PPARGC1B: variants seen among roughly 807,000 people sequenced by gnomAD.
The protein encoded by PPARGC1B is PPARG coactivator 1 beta, also known as peroxisome proliferator-activated receptor gamma coactivator 1-beta.
In PPARGC1B, 34 loss-of-function variants were observed where a neutral mutation model predicts 101.6. That is an observed-to-expected ratio of 0.33 (90% CI 0.25 to 0.45). PPARGC1B has a LOEUF of 0.45. Among genes scored for constraint, PPARGC1B ranks in the 20% least tolerant of loss-of-function variants. The pLI is 1.00. For synonymous variants in PPARGC1B, 548 were observed against 539.3 expected (o/e 1.02, Z -0.22); for missense variants, 1,234 against 1,317.6 (o/e 0.94, Z 0.98).
intron 1 of PPARGC1B, among the ~76,000 whole-genome samples, chr5:149,792,970 G>C (rs749506236): frequency 1.3e-5 from 2 of 151,878 alleles, no homozygotes; most frequent in Non-Finnish European, 2.9e-5. Context: ...TCTGCTTGAA[G>C]ACCTTCAGAG....
rs1248058931 is a variant in PPARGC1B, at chr5:149,830,043, A to G, written c.466-724A>G. ...GAGACTGCATCTCAAAAAAAAAAAA[A>G]AAAAAAAAAAAGAAAAAAAAAAAAA... On this transcript the variant is annotated intron_variant, in intron 3 of 11. Coordinates refer to ENST00000309241, the MANE Select transcript of PPARGC1B (RefSeq NM_133263.4). Among the ~76,000 whole-genome samples the G allele has an allele frequency of 4.7e-5, 6 of 126,934 alleles. No homozygotes were observed. The East Asian group carries it at 6.2e-4, about 13-fold the overall frequency. 83.3% of individuals were successfully genotyped at this position (126,934 alleles called of 152,430 possible).
Position 149,836,754 on chromosome 5 carries a change from C to T in PPARGC1B, c.2299C>T (p.His767Tyr). Residue 767 changes from histidine (H) to tyrosine (Y), a missense_variant, in exon 8 of 12, where the codon CAC becomes TAC. Physicochemically the swap from His to Tyr is moderately conservative, Grantham distance 83. Transcript: ENST00000309241. ...DHEIRASLTK[H>Y]FGLLETALEE... is the part of the protein sequence containing the mutation. ...TGAGATCCGTGCCAGCCTCACCAAA[C>T]ACTTTGGGCTGCTGGAGACCGCCCT... 6.2e-7 allele frequency: 1 copy of T among 1,613,728 alleles called. No individual in the cohort carries two copies. The highest frequency in any genetic ancestry group is 8.5e-7 in the Non-Finnish European group (1 of 1,180,020).
chr5:149,765,428 G>A (rs1020188601), intron 1 of PPARGC1B, among the ~76,000 whole-genome samples: 1 of 152,164 alleles, frequency 6.6e-6, no homozygotes, highest in African/African-American at 2.4e-5. Context: ...GTGAGACTGG[G>A]GTCAAATCTA....
At chr5:149,744,486 A>G (rs998327826) in intron 1 of PPARGC1B, among the ~76,000 whole-genome samples, 2 of 152,224 alleles carry the variant, frequency 1.3e-5, no homozygotes, top group African/African-American at 2.4e-5. Flanking sequence ...CGCAAAGCTC[A>G]TTGGTGAAGA....
chr5:149,831,543 T>TGA (rs1280689152), intron 4 of PPARGC1B, among the ~76,000 whole-genome samples: 2 of 152,188 alleles, frequency 1.3e-5, no homozygotes, highest in Non-Finnish European at 2.9e-5. Context: ...CTCTGGGGAA[T>TGA]GAGTCCCTAT....
chr5:149,802,433 CCTT>C (rs1310429634), intron 1 of PPARGC1B, among the ~76,000 whole-genome samples: 1 of 152,022 alleles, frequency 6.6e-6, no homozygotes, highest in Non-Finnish European at 1.5e-5. Context: ...CTCCTCTCCT[CCTT>C]TCCCTCTGCT....
intron 2 of PPARGC1B, among the ~76,000 whole-genome samples, chr5:149,824,238 A>G (rs908187625): frequency 6.6e-6 from 1 of 151,772 alleles, no homozygotes; most frequent in Non-Finnish European, 1.5e-5. Flanking sequence ...GGCCCTTGGT[A>G]CTCTCCCTGG....
chr5:149,773,624 T>C, intron 1 of PPARGC1B, among the ~76,000 whole-genome samples: 1 of 152,108 alleles, frequency 6.6e-6, no homozygotes, highest in East Asian at 1.9e-4. Flanking sequence ...AAATCACATA[T>C]CCAAATCAGT....
chr5:149,743,003 G>A (rs1754963647), intron 1 of PPARGC1B, among the ~76,000 whole-genome samples: 3 of 152,036 alleles, frequency 2.0e-5, no homozygotes. Flanking sequence ...TAGCCAAGAT[G>A]GGGGTGCAGA....
chr5:149,764,388 G>C (rs557439048), intron 1 of PPARGC1B, among the ~76,000 whole-genome samples: 88 of 152,336 alleles, frequency 5.8e-4, no homozygotes, highest in African/African-American at 1.9e-3. Flanking sequence ...ACATGAGGCT[G>C]AAGTAGGATG....
chr5:149,744,347 T>C (rs1755013841), intron 1 of PPARGC1B, among the ~76,000 whole-genome samples: 1 of 151,818 alleles, frequency 6.6e-6, no homozygotes, highest in African/African-American at 2.4e-5. Flanking sequence ...AGGCATGGGG[T>C]GAGAGGTGAG....
Position 149,748,325 on chromosome 5 carries a change from C to CTA in PPARGC1B, c.78+17917_78+17918dup, listed in dbSNP as rs138420687. On this transcript the variant is annotated intron_variant, in intron 1 of 11. Transcript: ENST00000309241. ...GATATAGATATAGATATAGATATAT[C>CTA]TATATATATATATCTCAGTGGGTAG... is the stretch of plus-strand genomic sequence containing the variant. Among the ~76,000 whole-genome samples the CTA allele has an allele frequency of 8.2e-3, 603 of 73,710 alleles. 3 individuals carry two copies. Among genetic ancestry groups the CTA allele is most frequent in the African/African-American group, 0.026 (411 of 15,846 alleles). The allele number at this position is 73,710 out of a possible 152,430, so 48.4% of individuals were successfully genotyped here.
At chr5:149,826,407 C>T (rs891164513) in intron 2 of PPARGC1B, among the ~76,000 whole-genome samples, 3 of 152,132 alleles carry the variant, frequency 2.0e-5, no homozygotes, top group Non-Finnish European at 4.4e-5. Flanking sequence ...GAGTGGGACT[C>T]CCAGGCAGGG....
intron 1 of PPARGC1B, among the ~76,000 whole-genome samples, chr5:149,816,289 T>G (rs890093122): frequency 1.3e-5 from 2 of 152,204 alleles, no homozygotes; most frequent in Non-Finnish European, 2.9e-5. Flanking sequence ...AATCAATAAG[T>G]GTAGTCATCA....
chr5:149,820,986 A>G (rs1169038528), intron 2 of PPARGC1B, among the ~76,000 whole-genome samples: 1 of 152,198 alleles, frequency 6.6e-6, no homozygotes, highest in East Asian at 1.9e-4. Context: ...GATAAGGAAA[A>G]TGAGGCTTGG....
intron 1 of PPARGC1B, among the ~76,000 whole-genome samples, chr5:149,807,752 G>A (rs559379823): frequency 1.3e-5 from 2 of 152,164 alleles, no homozygotes; most frequent in African/African-American, 4.8e-5. Flanking sequence ...ACCTCATGAG[G>A]GCTGGAGCAA....
Position 149,833,823 on chromosome 5 carries a change from G to T in PPARGC1B, c.1705+45G>T, listed in dbSNP as rs1021334261. On this transcript the variant is annotated intron_variant, in intron 5 of 11. Coordinates refer to ENST00000309241, the MANE Select transcript of PPARGC1B (RefSeq NM_133263.4). This position sits in a 1 kb window ranked among gnomAD's most constrained non-coding sequence, Gnocchi z 4.1. ...TGCGAAGTGGGGGCAGGGATGGGGT[G>T]CAGCATGCCCCTCTGCACTGGGAGC... is the stretch of plus-strand genomic sequence containing the variant. The T allele has an allele frequency of 2.1e-6, 3 of 1,446,684 alleles. No homozygotes were observed. Among genetic ancestry groups the T allele is most frequent in the East Asian group, 2.5e-5 (1 of 40,494 alleles). The allele number at this position is 1,446,684 out of a possible 1,614,324, so 89.6% of individuals were successfully genotyped here. A position where few individuals can be genotyped will look rare whatever the true frequency, so the allele number is the denominator to read the frequency against.
At chr5:149,840,744 G>A (rs1165461577) in intron 9 of PPARGC1B, among the ~76,000 whole-genome samples, 1 of 152,160 alleles carries the variant, frequency 6.6e-6, no homozygotes, top group Non-Finnish European at 1.5e-5. Context: ...CCTGGAGTGG[G>A]GAGCTGGAGC....
chr5:149,768,538 GGTT>G (rs1756003383), intron 1 of PPARGC1B, among the ~76,000 whole-genome samples: 2 of 149,816 alleles, frequency 1.3e-5, no homozygotes, highest in Non-Finnish European at 2.9e-5. Flanking sequence ...CCGCCTCTCA[GGTT>G]CAAGCGATTC....
Sources: allele counts gnomAD v4.1 joint callset (sites outside exome capture counted in the v4.1 genomes callset), GRCh38; gene constraint gnomAD v4.1.1; non-coding constraint Gnocchi (gnomAD v3.1); transcripts MANE v1.5; gene names NCBI Gene and HGNC (gene_info 2026-07-23, HGNC 2026-07-21).